The following RBM28 variants were observed in gnomAD, a reference collection of about 807,000 sequenced individuals.
RBM28 encodes RNA binding motif protein 28, also known as RNA-binding protein 28.
A neutral mutation model predicts 98.3 loss-of-function variants in RBM28; 78 were observed. The observed-to-expected ratio is 0.79, with a 90% CI of 0.66 to 0.96. The LOEUF is 0.96. Among genes scored for constraint, RBM28 ranks in the 40% least tolerant of loss-of-function variants. The pLI is 0.00. For missense variants in RBM28, 838 were observed against 913.0 expected (o/e 0.92, Z 1.06); for synonymous variants, 306 against 330.9 (o/e 0.92, Z 0.82).
In RBM28 at chr7:128,339,942, G is replaced by C; in HGVS notation, c.119-151C>G. The C allele has an allele frequency of 4.4e-6, 4 of 910,220 alleles. No individual in the cohort carries two copies. In the South Asian group the frequency reaches 4.8e-5, roughly 11 times the overall value. The allele number at this position is 910,220 out of a possible 1,614,324, so 56.4% of individuals were successfully genotyped here. ...GCTATCAGTTTGCCAAAAGTCTCAG[G>C]AGGGCGAGAAACAAGGGTGGTATCA... On this transcript the variant is annotated intron_variant, in intron 1 of 18. Transcript: ENST00000223073.
intron 13 of RBM28, 132 bp from the exon 14 acceptor site, chr7:128,321,556 C>T: frequency 9.0e-7 from 1 of 1,111,042 alleles, no homozygotes; most frequent in African/African-American, 1.5e-5. Flanking sequence ...AAACTGCCCA[C>T]ACCGCAGCTT....
intron 10 of RBM28, among the ~76,000 whole-genome samples, chr7:128,326,365 G>A (rs1796351465): frequency 6.6e-6 from 1 of 151,184 alleles, no homozygotes; most frequent in South Asian, 2.1e-4. Context: ...GTCAGTGACA[G>A]ACTGCATATA....
intron 10 of RBM28, among the ~76,000 whole-genome samples, chr7:128,326,963 T>C (rs1796366395): frequency 6.6e-6 from 1 of 151,524 alleles, no homozygotes; most frequent in East Asian, 1.9e-4. Context: ...GACAAAACCC[T>C]GTCTCTACGA....
intron 11 of RBM28, 137 bp from the exon 12 acceptor site, chr7:128,324,831 T>G (rs1338460646): frequency 1.7e-5 from 20 of 1,162,134 alleles, no homozygotes; most frequent in Non-Finnish European, 2.5e-5. Flanking sequence ...CTGGCCAACA[T>G]GGTGAAACCT....
At chr7:128,315,745 C>T (rs1208190134) in intron 16 of RBM28, among the ~76,000 whole-genome samples, 1 of 151,948 alleles carries the variant, frequency 6.6e-6, no homozygotes, top group Non-Finnish European at 1.5e-5. Context: ...ATCCTGTATC[C>T]GATAAACTTA....
intron 14 of RBM28, among the ~76,000 whole-genome samples, chr7:128,321,014 A>T (rs1796219855): frequency 6.6e-6 from 1 of 152,154 alleles, no homozygotes; most frequent in Non-Finnish European, 1.5e-5. Flanking sequence ...AAAAATACAA[A>T]AATTAGCCAG....
In RBM28 at chr7:128,306,262, G is replaced by T. The variant is rs1356872717; in HGVS notation, c.*4535C>A. 6.6e-6 allele frequency: 1 copy of T among 152,282 alleles called. No homozygotes were observed. Among genetic ancestry groups the T allele is most frequent in the Non-Finnish European group, 1.5e-5 (1 of 68,072 alleles). The allele number at this position is 152,282 out of a possible 1,614,324, so 9.4% of individuals were successfully genotyped here. A position where few individuals can be genotyped will look rare whatever the true frequency, so the allele number is the denominator to read the frequency against. ...TGCTGGATAACACTTGAGTGGAAAG[G>T]AGGGGCACAGAGACTGTCCAGATTG... On this transcript the variant is annotated 3_prime_UTR_variant, in exon 19 of 19. Transcript: ENST00000223073.
chr7:128,335,206 T>C (rs1426226815), intron 8 of RBM28, among the ~76,000 whole-genome samples: 1 of 152,220 alleles, frequency 6.6e-6, no homozygotes, highest in Non-Finnish European at 1.5e-5. Flanking sequence ...CTATATTATC[T>C]GTATAAGATG....
chr7:128,330,010 G>A (rs1044698148), intron 10 of RBM28, among the ~76,000 whole-genome samples: 12 of 150,670 alleles, frequency 8.0e-5, no homozygotes, highest in Non-Finnish European at 1.8e-4. Flanking sequence ...ATACTAGAAC[G>A]AAGAATGGTC....
At position 128,314,877 on chromosome 7, in the gene RBM28, A is replaced by G. The variant is rs1157189074; in HGVS notation, c.1932T>C (p.Ser644=). The change falls in exon 17 of 19, where the codon TCT becomes TCC. Residue 644 remains serine, a synonymous_variant. Coordinates refer to ENST00000223073, the MANE Select transcript of RBM28 (RefSeq NM_018077.3). ...TGGTCTGGAACCCGGTCCATGAGGT[A>G]GAGCCCGCCTTTCTCTTCTGCTCTG... ...VPPEQKRKAG[S]TSWTGFQTKA... 1 of 1,614,182 alleles carries G rather than the reference A, an allele frequency of 6.2e-7. No individual in the cohort carries two copies. The highest frequency in any genetic ancestry group is 1.1e-5 in the South Asian group (1 of 91,078).
Position 128,338,766 on chromosome 7 carries a change from T to C in RBM28, c.408A>G (p.Gln136=), listed in dbSNP as rs2305322. 1.9e-4 allele frequency: 301 copies of C among 1,611,920 alleles called. 2 individuals carry two copies. In the East Asian group the frequency reaches 6.3e-3, roughly 34 times the overall value. ...SEDDLKTVFA[Q]FGAVLEVNIP... is the part of the protein sequence containing the mutation. The stretch of plus-strand genomic sequence containing the variant: ...TATTTACTTCCAGGACAGCTCCAAA[T>C]TGAGCAAATACTGTCTTCAAGTCAT... Residue 136 remains glutamine (Q), a synonymous_variant, in exon 4 of 19, where the codon CAA becomes CAG. Coordinates refer to ENST00000223073, the MANE Select transcript of RBM28 (RefSeq NM_018077.3).
Position 128,306,934 on chromosome 7 carries a change from G to C in RBM28, c.*3863C>G, listed in dbSNP as rs1795878634. 1 of 152,268 alleles carries C rather than the reference G, an allele frequency of 6.6e-6. No individual in the cohort carries two copies. Among genetic ancestry groups the C allele is most frequent in the African/African-American group, 2.4e-5 (1 of 41,450 alleles). 9.4% of individuals were successfully genotyped at this position (152,268 alleles called of 1,614,324 possible). A position where few individuals can be genotyped will look rare whatever the true frequency, so the allele number is the denominator to read the frequency against. ...AGACTCTGCAAATAATCCTGGAAAG[G>C]AAGAGGTACCAGGACAAGAAGGAAA... On this transcript the variant is annotated 3_prime_UTR_variant, in exon 19 of 19. Transcript: ENST00000223073.
intron 13 of RBM28, 29 bp downstream of exon 13, chr7:128,323,498 A>C: frequency 6.2e-7 from 1 of 1,613,300 alleles, no homozygotes; most frequent in East Asian, 2.2e-5. Flanking sequence ...GCCACGCAGA[A>C]CGTGAAGGTC....
chr7:128,321,229 G>A, intron 14 of RBM28, 37 bp downstream of exon 14: 1 of 1,613,212 alleles, frequency 6.2e-7, no homozygotes, highest in Non-Finnish European at 8.5e-7. Context: ...CCCAAGATCA[G>A]AATGAAAGCT....
intron 17 of RBM28, 55 bp from the exon 18 acceptor site, chr7:128,313,329 T>C: frequency 2.6e-6 from 4 of 1,524,018 alleles, no homozygotes; most frequent in Non-Finnish European, 3.6e-6. Flanking sequence ...TTGACACCCC[T>C]AGGTTCTCTT....
intron 11 of RBM28, 64 bp from the exon 12 acceptor site, chr7:128,324,758 A>G: frequency 6.2e-7 from 1 of 1,609,194 alleles, no homozygotes. Flanking sequence ...TCACACCTGT[A>G]AACCGAGCAC....
chr7:128,339,503 A>AT, intron 2 of RBM28, 130 bp downstream of exon 2: 2 of 1,289,052 alleles, frequency 1.6e-6, no homozygotes. Context: ...ACACTGGATG[A>AT]TTTTGGAGAT....
intron 10 of RBM28, among the ~76,000 whole-genome samples, chr7:128,328,945 T>A (rs1796411842): frequency 6.6e-6 from 1 of 151,122 alleles, no homozygotes; most frequent in African/African-American, 2.4e-5. Context: ...CTTATTCACA[T>A]CTTTTTTTTT....
intron 13 of RBM28, among the ~76,000 whole-genome samples, chr7:128,321,906 G>A (rs1433898644): frequency 6.6e-6 from 1 of 152,086 alleles, no homozygotes; most frequent in African/African-American, 2.4e-5. Flanking sequence ...AAATTAGCCA[G>A]GCATAGTAGT....
Sources: gnomAD v4.1 joint callset for allele counts (sites outside exome capture counted in the v4.1 genomes callset) on GRCh38, gnomAD v4.1.1 for gene constraint, MANE v1.5 for transcripts, NCBI Gene and HGNC (gene_info 2026-07-23, HGNC 2026-07-21) for gene names.